ADGRG2: variants seen among roughly 807,000 people sequenced by gnomAD.
ADGRG2 encodes adhesion G protein-coupled receptor G2, also known as G protein-coupled receptor 64.
ADGRG2 carries 26 observed loss-of-function variants against 74.1 expected under a neutral mutation model. The observed-to-expected ratio is 0.35, with a 90% CI of 0.26 to 0.49. The LOEUF is 0.49. Ranked by LOEUF, ADGRG2 falls within the 20% of genes least tolerant of loss-of-function variation. The pLI is 0.99. For missense variants in ADGRG2, 619 were observed against 763.1 expected (o/e 0.81, Z 2.22); for synonymous variants, 296 against 295.2 (o/e 1.00, Z -0.03).
intron 11 of ADGRG2, 107 bp from the exon 12 acceptor site, chrX:19,024,055 A>G: frequency 3.7e-6 from 2 of 542,848 alleles, no homozygotes; most frequent in South Asian, 5.6e-5. Context: ...TACATTGCTT[A>G]TGGTGTTCAC....
chrX:19,045,496 C>T (rs984529194), intron 3 of ADGRG2, among the ~76,000 whole-genome samples: 1 of 108,587 alleles, frequency 9.2e-6, no homozygotes, highest in South Asian at 4.1e-4. Context: ...TTAGTAGAGA[C>T]GGGGTTTCAC....
At chrX:19,029,691 T>TTG (rs386416709) in intron 9 of ADGRG2, among the ~76,000 whole-genome samples, 1 of 19,348 alleles carries the variant, frequency 5.2e-5, no homozygotes, top group Non-Finnish European at 1.7e-4. Flanking sequence ...AGATGACCAG[T>TTG]TTTTTTTTTT....
At chrX:19,084,282 C>A (rs757392660) in intron 1 of ADGRG2, among the ~76,000 whole-genome samples, 1 of 106,449 alleles carries the variant, frequency 9.4e-6, no homozygotes, top group Non-Finnish European at 1.9e-5. Context: ...AACACACAGA[C>A]ACATGGAGGG....
At position 18,991,064 on chromosome X, in the gene ADGRG2, C is replaced by G. The variant is rs779272015; in HGVS notation, c.2870-16G>C. On this transcript the variant is annotated splice_polypyrimidine_tract_variant and intron_variant, in intron 28 of 28. Coordinates refer to ENST00000379869, the MANE Select transcript of ADGRG2 (RefSeq NM_001079858.3). ...GAAGCATTTCCTGTATAAGGAAACA[C>G]AAAGCGGGTGGCATGAAGTATCCAC... 3.7e-6 allele frequency: 4 copies of G among 1,081,608 alleles called. No homozygotes were observed. The African/African-American group carries it at 5.5e-5, about 15-fold the overall frequency. 89.1% of individuals were successfully genotyped at this position (1,081,608 alleles called of 1,213,427 possible).
chrX:19,094,931 A>G (rs2062071154), intron 1 of ADGRG2, among the ~76,000 whole-genome samples: 1 of 111,530 alleles, frequency 9.0e-6, no homozygotes, highest in Non-Finnish European at 1.9e-5. Context: ...TTTTAGTACT[A>G]TCCTCTCTGA....
Position 19,014,599 on chromosome X carries a change from C to T in ADGRG2, c.711-525G>A, listed in dbSNP as rs764111788. On this transcript the variant is annotated intron_variant, in intron 15 of 28. Transcript: ENST00000379869. ...CTGTGTCTTCAAGGTTCCTTTAGCT[C>T]AGTGGTTCTCAACCTTGGCTGTGCA... is the stretch of plus-strand genomic sequence containing the variant. Among the ~76,000 whole-genome samples, 4 of 111,611 alleles carry T rather than the reference C, an allele frequency of 3.6e-5. No homozygotes were observed. In the East Asian group the frequency reaches 1.1e-3, roughly 31 times the overall value.
chrX:19,036,161 G>A (rs1239193930), intron 6 of ADGRG2, 184 bp from the exon 7 acceptor site: 8 of 313,580 alleles, frequency 2.6e-5, no homozygotes, highest in Non-Finnish European at 3.9e-5. Context: ...TCCAACCCCT[G>A]GAGACAATTC....
chrX:19,065,031 G>A (rs977084965), intron 3 of ADGRG2, among the ~76,000 whole-genome samples: 9 of 109,791 alleles, frequency 8.2e-5, no homozygotes, highest in African/African-American at 3.0e-4. Context: ...AGAACTTTGG[G>A]AAGCAAGGTG....
chrX:19,042,246 G>A (rs1409249825), intron 3 of ADGRG2, among the ~76,000 whole-genome samples: 1 of 111,701 alleles, frequency 9.0e-6, no homozygotes, highest in Non-Finnish European at 1.9e-5. Flanking sequence ...TGGGCAACGT[G>A]GGAAAGCCCT....
At chrX:19,070,967 C>CTTCA (rs368910522) in intron 2 of ADGRG2, among the ~76,000 whole-genome samples, 2,189 of 111,101 alleles carry the variant, frequency 0.02, 20 homozygotes, top group Non-Finnish European at 0.025. Context: ...TAGCTGTGCT[C>CTTCA]TTCATTCATT....
chrX:19,010,857 G>T, intron 16 of ADGRG2, 79 bp from the exon 17 acceptor site: 1 of 699,297 alleles, frequency 1.4e-6, no homozygotes, highest in Non-Finnish European at 2.1e-6. Context: ...TAGACCCTGT[G>T]ATATGGCAAA....
At position 19,047,842 on chromosome X, in the gene ADGRG2, C is replaced by T. The variant is rs754413015; in HGVS notation, c.119-7618G>A. Among the ~76,000 whole-genome samples the T allele has an allele frequency of 3.6e-5, 4 of 111,912 alleles. No individual in the cohort carries two copies. The South Asian group carries it at 1.5e-3, about 43-fold the overall frequency. On this transcript the variant is annotated intron_variant, in intron 3 of 28. Transcript: ENST00000379869. Reference sequence around the variant, plus strand: ...CGAGTTTACTACATAACCCCCAAAACTGAATGAAAACATTTCTAATTTGGC... The same window carrying T: ...CGAGTTTACTACATAACCCCCAAAATTGAATGAAAACATTTCTAATTTGGC...
rs767971052 is a variant in ADGRG2, at chrX:19,064,085, C to T, written c.118+4632G>A. Among the ~76,000 whole-genome samples the T allele has an allele frequency of 2.7e-5, 3 of 111,778 alleles. No homozygotes were observed. In the South Asian group the frequency reaches 1.1e-3, roughly 42 times the overall value. ...TACTCACTGTTTGGGGGTGTTATCT[C>T]CCTGGCACTTCTGGTTTGTCCCGCA... On this transcript the variant is annotated intron_variant, in intron 3 of 28. Coordinates refer to ENST00000379869, the MANE Select transcript of ADGRG2 (RefSeq NM_001079858.3).
At chrX:19,044,020 T>A (rs1395944710) in intron 3 of ADGRG2, among the ~76,000 whole-genome samples, 1 of 111,680 alleles carries the variant, frequency 9.0e-6, no homozygotes, top group Non-Finnish European at 1.9e-5. Flanking sequence ...ACCATTAACT[T>A]ACTGGCTTCA....
At chrX:19,024,134 G>A (rs1250997465) in intron 11 of ADGRG2, among the ~76,000 whole-genome samples, 186 bp from the exon 12 acceptor site, 1 of 111,840 alleles carries the variant, frequency 8.9e-6, no homozygotes, top group African/African-American at 3.2e-5. Flanking sequence ...ATATGACAAG[G>A]GAAACCAACC....
chrX:19,115,030 T>TC (rs1293393696), intron 1 of ADGRG2, among the ~76,000 whole-genome samples: 2 of 111,864 alleles, frequency 1.8e-5, no homozygotes, highest in African/African-American at 6.5e-5. Flanking sequence ...GCTCAGTAAA[T>TC]ATTAGCTATC....
chrX:19,002,984 C>T lies in ADGRG2; in HGVS notation c.2092G>A (p.Ala698Thr), dbSNP rs2060160230. Residue 698 changes from alanine (A) to threonine (T), a missense_variant, in exon 24 of 29, where the codon GCT (alanine) becomes ACT (threonine). By Grantham distance (58) the Ala-to-Thr change is moderately conservative (BLOSUM62 0). Transcript: ENST00000379869. ...YKMQGLCISV[A>T]VFLHYFLLVS... is the part of the protein sequence containing the mutation. ...AAGAGAAAATAATGAAGAAATACAG[C>T]CACTGAGATGCAGAGGCCTTGCATC... 8.3e-7 allele frequency: 1 copy of T among 1,207,281 alleles called. No homozygotes were observed. The highest frequency in any genetic ancestry group is 3.0e-5 in the East Asian group (1 of 33,771).
rs753384504 is a variant in ADGRG2 at position 19,016,660 on chromosome X, G to A, written c.711-2586C>T. Among the ~76,000 whole-genome samples, 311 of 105,273 alleles carry A rather than the reference G, an allele frequency of 3.0e-3. 5 individuals carry two copies. Among genetic ancestry groups the A allele is most frequent in the African/African-American group, 8.6e-3 (251 of 29,118 alleles). The allele number at this position is 105,273 out of a possible 115,157, so 91.4% of individuals were successfully genotyped here. A position where few individuals can be genotyped will look rare whatever the true frequency, so the allele number is the denominator to read the frequency against. On this transcript the variant is annotated intron_variant, in intron 15 of 28. Coordinates refer to ENST00000379869, the MANE Select transcript of ADGRG2 (RefSeq NM_001079858.3). Reference sequence around the variant, plus strand: ...GCTGCACCCACTAACTCGTCATCTAGCATTAGGTATATCTCCCAGTGCTAT... The same window carrying A: ...GCTGCACCCACTAACTCGTCATCTAACATTAGGTATATCTCCCAGTGCTAT...
chrX:19,115,590 G>A (rs2062496323), intron 1 of ADGRG2, among the ~76,000 whole-genome samples: 1 of 110,886 alleles, frequency 9.0e-6, no homozygotes. Flanking sequence ...ACATAAGCAC[G>A]GAGGAGGCTG....
Sources: gnomAD v4.1 joint callset for allele counts (sites outside exome capture counted in the v4.1 genomes callset) on GRCh38, gnomAD v4.1.1 for gene constraint, MANE v1.5 for transcripts, NCBI Gene and HGNC (gene_info 2026-07-23, HGNC 2026-07-21) for gene names.